Variants in CKAP5 observed in about 807,000 individuals in gnomAD.
CKAP5 encodes cytoskeleton associated protein 5.
CKAP5 carries 27 observed loss-of-function variants against 232.8 expected under a neutral mutation model. That is an observed-to-expected ratio of 0.12 (90% CI 0.09 to 0.16). CKAP5 has a LOEUF of 0.16. CKAP5 is among the 10% of genes least tolerant of loss of function. CKAP5 has a pLI of 1.00. For synonymous variants in CKAP5, 785 were observed against 841.1 expected, an observed-to-expected ratio of 0.93 and a Z score of 1.16; for missense variants, 1,838 against 2,424.7, an observed-to-expected ratio of 0.76 and a Z score of 5.08.
intron 13 of CKAP5, among the ~76,000 whole-genome samples, chr11:46,794,831 G>A (rs1266930437): frequency 6.6e-6 from 1 of 151,982 alleles, no homozygotes; most frequent in Non-Finnish European, 1.5e-5. Flanking sequence ...GCAAGACCTT[G>A]TCTCTAAAAA....
At chr11:46,807,699 C>T (rs1190252247) in intron 8 of CKAP5, among the ~76,000 whole-genome samples, 1 of 152,088 alleles carries the variant, frequency 6.6e-6, no homozygotes, top group Admixed American at 6.6e-5. Flanking sequence ...TAATATTTGT[C>T]CAATTAAATA....
At chr11:46,793,449 G>C (rs1287232331) in intron 13 of CKAP5, among the ~76,000 whole-genome samples, 1 of 152,188 alleles carries the variant, frequency 6.6e-6, no homozygotes, top group Non-Finnish European at 1.5e-5. Flanking sequence ...ATTGCCACTA[G>C]GCATTTGCCC....
At chr11:46,806,997 G>A (rs1202993502) in intron 8 of CKAP5, among the ~76,000 whole-genome samples, 1 of 152,198 alleles carries the variant, frequency 6.6e-6, no homozygotes, top group Non-Finnish European at 1.5e-5. Flanking sequence ...GCCCCTAAGT[G>A]TAGTGCTGAA....
intron 15 of CKAP5, among the ~76,000 whole-genome samples, 195 bp from the exon 16 acceptor site, chr11:46,788,968 T>C (rs2065422472): frequency 6.6e-6 from 1 of 152,252 alleles, no homozygotes; most frequent in Non-Finnish European, 1.5e-5. Flanking sequence ...TAATGCTTTA[T>C]TTCTTAAGCT....
chr11:46,812,086 C>G (rs1272278223), intron 4 of CKAP5, among the ~76,000 whole-genome samples: 1 of 152,136 alleles, frequency 6.6e-6, no homozygotes, highest in Non-Finnish European at 1.5e-5. Flanking sequence ...AATCCCGGCA[C>G]TTTGGGAGGC....
chr11:46,795,833 A>G, intron 12 of CKAP5, 57 bp from the exon 13 acceptor site: 2 of 1,394,794 alleles, frequency 1.4e-6, no homozygotes, highest in South Asian at 2.4e-5. Context: ...CACAACCACT[A>G]CGTTATTACA....
intron 30 of CKAP5, 73 bp from the exon 31 acceptor site, chr11:46,762,835 G>C: frequency 6.6e-7 from 1 of 1,517,724 alleles, no homozygotes. Context: ...GCATTACTAT[G>C]TTTTGAAAGA....
chr11:46,753,210 G>T (rs777667726), intron 37 of CKAP5, 100 bp downstream of exon 37: 17 of 890,312 alleles, frequency 1.9e-5, no homozygotes, highest in Non-Finnish European at 2.8e-5. Flanking sequence ...GATTATGATT[G>T]TTAGGTTGCC....
chr11:46,754,846 A>C, intron 36 of CKAP5, 42 bp downstream of exon 36: 11 of 1,561,210 alleles, frequency 7.0e-6, no homozygotes, highest in Non-Finnish European at 9.6e-6. Flanking sequence ...CTGTAGGCTG[A>C]GAGATTGATG....
chr11:46,782,220 CAG>C (rs905195772), intron 18 of CKAP5, among the ~76,000 whole-genome samples: 1 of 152,030 alleles, frequency 6.6e-6, no homozygotes, highest in Admixed American at 6.6e-5. Context: ...TCCCATGAAA[CAG>C]AAATTTAATT....
At chr11:46,790,920 G>A (rs1000102727) in intron 13 of CKAP5, among the ~76,000 whole-genome samples, 4 of 152,152 alleles carry the variant, frequency 2.6e-5, no homozygotes, top group Admixed American at 2.6e-4. Flanking sequence ...CAAAGTGCTG[G>A]GATTACAAGC....
intron 29 of CKAP5, 54 bp downstream of exon 29, chr11:46,763,427 C>T: frequency 2.0e-6 from 3 of 1,478,748 alleles, no homozygotes; most frequent in Non-Finnish European, 2.7e-6. Flanking sequence ...TTTCATAGGG[C>T]TCGGTATTTT....
intron 1 of CKAP5, among the ~76,000 whole-genome samples, chr11:46,827,970 C>G (rs1217402273): frequency 6.6e-6 from 1 of 152,144 alleles, no homozygotes; most frequent in Non-Finnish European, 1.5e-5. Context: ...AAGATATGTG[C>G]TTTTTTTAAG....
chr11:46,758,848 C>T (rs907707016), intron 35 of CKAP5, 75 bp downstream of exon 35: 8 of 1,525,410 alleles, frequency 5.2e-6, no homozygotes, highest in South Asian at 1.2e-5. Context: ...TATGACTCTG[C>T]GAGTGTGCAA....
chr11:46,767,785 G>T, intron 26 of CKAP5, 122 bp from the exon 27 acceptor site: 5 of 575,996 alleles, frequency 8.7e-6, no homozygotes, highest in South Asian at 2.7e-5. Flanking sequence ...TTTATAAGAT[G>T]TTTTCAGTTA....
intron 1 of CKAP5, among the ~76,000 whole-genome samples, chr11:46,823,422 A>C (rs992482607): frequency 6.6e-6 from 1 of 152,188 alleles, no homozygotes; most frequent in African/African-American, 2.4e-5. Context: ...TAGTAATATA[A>C]ATCATATGAA....
Position 46,778,199 on chromosome 11 carries a change from C to A in CKAP5, c.2688G>T (p.Pro896=). The A allele has an allele frequency of 6.2e-7, 1 of 1,614,046 alleles. No individual in the cohort carries two copies. The highest frequency in any genetic ancestry group is 8.5e-7 in the Non-Finnish European group (1 of 1,179,980). ...GIINDAKFIQ[P]NIGELPTALK... ...AGGCAGTTGGAAGTTCACCTATATT[C>A]GGTTGGATAAATTTTGCGTCATTAA... Residue 896 remains proline, a synonymous_variant, in exon 22 of 44, where the codon CCG becomes CCT. Coordinates refer to ENST00000529230, the MANE Select transcript of CKAP5 (RefSeq NM_001008938.4).
chr11:46,801,427 T>C lies in CKAP5; in HGVS notation c.979-123A>G. The C allele has an allele frequency of 6.0e-6, 4 of 672,000 alleles. No individual in the cohort carries two copies. In the South Asian group the frequency reaches 6.6e-5, roughly 11 times the overall value. 41.6% of individuals were successfully genotyped at this position (672,000 alleles called of 1,614,324 possible). ...GCTCACACCTGTAATCCCAGCACTTTGGGAGGCCAAGGTGGGTGGACCACC... is the reference window on the plus strand; with the variant it reads ...GCTCACACCTGTAATCCCAGCACTTCGGGAGGCCAAGGTGGGTGGACCACC... On this transcript the variant is annotated intron_variant, in intron 8 of 43. Transcript: ENST00000529230.
chr11:46,815,418 C>G (rs1183264710), intron 4 of CKAP5, among the ~76,000 whole-genome samples: 1 of 152,110 alleles, frequency 6.6e-6, no homozygotes, highest in Non-Finnish European at 1.5e-5. Context: ...GGCACAATCA[C>G]AGCTCAGTGC....
Sources: allele counts gnomAD v4.1 joint callset (sites outside exome capture counted in the v4.1 genomes callset), GRCh38; gene constraint gnomAD v4.1.1; transcripts MANE v1.5; gene names NCBI Gene and HGNC (gene_info 2026-07-23, HGNC 2026-07-21).